NUP88: variants seen among roughly 807,000 people sequenced by gnomAD.
NUP88 encodes the protein nuclear pore complex protein Nup88.
In NUP88, 57 loss-of-function variants were observed where a neutral mutation model predicts 93.9. That is an observed-to-expected ratio of 0.61 (90% CI 0.49 to 0.76). The LOEUF (loss-of-function observed/expected upper bound fraction) is 0.76. Among genes scored for constraint, NUP88 ranks in the 30% least tolerant of loss-of-function variants. NUP88 has a pLI of 0.00. For missense variants in NUP88, 911 were observed against 901.0 expected (o/e 1.01, Z -0.14); for synonymous variants, 346 against 336.8 (o/e 1.03, Z -0.30).
In NUP88 at chr17:5,385,107, C is replaced by G; in HGVS notation, c.*1099G>C. The G allele has an allele frequency of 4.4e-6, 1 of 229,518 alleles. No homozygotes were observed. Among genetic ancestry groups the G allele is most frequent in the Non-Finnish European group, 8.6e-6 (1 of 115,746 alleles). 14.2% of individuals were successfully genotyped at this position (229,518 alleles called of 1,614,324 possible). On this transcript the variant is annotated 3_prime_UTR_variant, in exon 17 of 17. Transcript: ENST00000573584. ...TCACAATTAGGGAATGGTTAGTGGT[C>G]TCTACTGTGGCAAATGCCAACTGTT...
chr17:5,413,921 C>G, intron 3 of NUP88, 88 bp downstream of exon 3: 1 of 1,399,898 alleles, frequency 7.1e-7, no homozygotes, highest in Non-Finnish European at 1.0e-6. Flanking sequence ...TTCAATGACT[C>G]ACTTCGTTCT....
At chr17:5,416,783 G>T in intron 1 of NUP88, 101 bp from the exon 2 acceptor site, 3 of 957,222 alleles carry the variant, frequency 3.1e-6, no homozygotes, top group Non-Finnish European at 4.6e-6. Context: ...ACAATTATAG[G>T]ATAATAAAAC....
At chr17:5,394,478 G>C (rs1421362881) in intron 9 of NUP88, among the ~76,000 whole-genome samples, 1 of 152,132 alleles carries the variant, frequency 6.6e-6, no homozygotes, top group Non-Finnish European at 1.5e-5. Flanking sequence ...TATACATTCC[G>C]GTAGTGGCGA....
chr17:5,408,944 C>G (rs764082726), intron 4 of NUP88, 35 bp from the exon 5 acceptor site: 6 of 1,468,752 alleles, frequency 4.1e-6, no homozygotes, highest in Admixed American at 5.1e-5. Context: ...TTGTTAAAAA[C>G]AAAAACAACA....
At chr17:5,411,280 T>C (rs955436578) in intron 3 of NUP88, among the ~76,000 whole-genome samples, 5 of 152,250 alleles carry the variant, frequency 3.3e-5, no homozygotes, top group African/African-American at 9.6e-5. Context: ...AAACCCAATA[T>C]TGGCCAAGCA....
chr17:5,411,713 G>A (rs913486305), intron 3 of NUP88, among the ~76,000 whole-genome samples: 2 of 151,814 alleles, frequency 1.3e-5, no homozygotes, highest in African/African-American at 4.8e-5. Flanking sequence ...CAGCATATAA[G>A]GCTATTGTGA....
At chr17:5,393,706 G>A (rs1484482979) in intron 9 of NUP88, among the ~76,000 whole-genome samples, 1 of 152,202 alleles carries the variant, frequency 6.6e-6, no homozygotes, top group African/African-American at 2.4e-5. Context: ...AAAATGCTGG[G>A]ATTATAGGCG....
rs139729139 is a variant in NUP88, at chr17:5,412,504, G to T, written c.593+1505C>A. Among the ~76,000 whole-genome samples the T allele has an allele frequency of 5.5e-4, 83 of 152,246 alleles. 1 individual carries two copies. The highest frequency in any genetic ancestry group is 2.0e-3 in the African/African-American group (81 of 41,530). ...TACAGTTTCAGGCATTCACTGGGGG[G>T]TCTTGGAACACACACCCTGCAGATA... is the stretch of plus-strand genomic sequence containing the variant. On this transcript the variant is annotated intron_variant, in intron 3 of 16. Transcript: ENST00000573584.
At position 5,410,753 on chromosome 17, in the gene NUP88, G is replaced by A. The variant is rs144076487; in HGVS notation, c.630C>T (p.Asn210=). The A allele has an allele frequency of 1.2e-6, 2 of 1,612,678 alleles. No homozygotes were observed. The highest frequency in any genetic ancestry group is 1.3e-5 in the African/African-American group (1 of 74,976). Residue 210 remains asparagine, a synonymous_variant, in exon 4 of 17, where the codon AAC becomes AAT. Transcript: ENST00000573584. ...CTTCGGCTTCTGAAAGTATTATCAC[G>A]TTAGTGGGTGTCTGCGGCTCACGTA... The part of the protein sequence containing the change: ...YSLREPQTPT[N]VIILSEAEEE...
chr17:5,413,621 C>T (rs1394457414), intron 3 of NUP88, among the ~76,000 whole-genome samples: 1 of 152,170 alleles, frequency 6.6e-6, no homozygotes, highest in African/African-American at 2.4e-5. Flanking sequence ...CTGAGCCCCC[C>T]AACCCCTAAA....
At chr17:5,402,942 A>G (rs1355063741) in intron 7 of NUP88, among the ~76,000 whole-genome samples, 1 of 152,132 alleles carries the variant, frequency 6.6e-6, no homozygotes, top group Non-Finnish European at 1.5e-5. Context: ...GTGAGCCAAG[A>G]TCACGCCACT....
At chr17:5,396,103 C>A (rs971568127) in intron 8 of NUP88, among the ~76,000 whole-genome samples, 1 of 151,898 alleles carries the variant, frequency 6.6e-6, no homozygotes, top group Non-Finnish European at 1.5e-5. Context: ...CCCAGCTACT[C>A]GAGAGGCTGA....
At chr17:5,407,270 T>C (rs1913553685) in intron 5 of NUP88, among the ~76,000 whole-genome samples, 2 of 152,198 alleles carry the variant, frequency 1.3e-5, no homozygotes, top group Non-Finnish European at 2.9e-5. Flanking sequence ...GCTTTTGTAA[T>C]AGCATTTCCT....
rs540369271 is a variant in NUP88, at chr17:5,413,962, A to G, written c.593+47T>C. The stretch of plus-strand genomic sequence containing the variant: ...GAGCTGTTAATTGGCAAACAGAAAC[A>G]GAGCTTTCCCACTCGCAAGGCTTCA... On this transcript the variant is annotated intron_variant, in intron 3 of 16. Coordinates refer to ENST00000573584, the MANE Select transcript of NUP88 (RefSeq NM_002532.6). 3.5e-5 allele frequency: 56 copies of G among 1,601,348 alleles called. No homozygotes were observed. In the South Asian group the frequency reaches 5.5e-4, roughly 16 times the overall value.
chr17:5,406,175 T>A (rs2151643224), intron 5 of NUP88, among the ~76,000 whole-genome samples: 1 of 152,058 alleles, frequency 6.6e-6, no homozygotes, highest in South Asian at 2.1e-4. Context: ...TACAAAGGAA[T>A]GACAAAAAGA....
At chr17:5,390,181 A>AATT (rs1555528177) in intron 10 of NUP88, among the ~76,000 whole-genome samples, 1 of 147,774 alleles carries the variant, frequency 6.8e-6, no homozygotes, top group Admixed American at 6.7e-5. Flanking sequence ...AAAAAAAAAA[A>AATT]TATCCAGACA....
chr17:5,394,999 A>C lies in NUP88; in HGVS notation c.1292-18T>G, dbSNP rs775648901. 6.9e-7 allele frequency: 1 copy of C among 1,451,910 alleles called. No homozygotes were observed. The highest frequency in any genetic ancestry group is 9.7e-7 in the Non-Finnish European group (1 of 1,032,340). 89.9% of individuals were successfully genotyped at this position (1,451,910 alleles called of 1,614,324 possible). ...TTCTTCATCTACCATGGAAGACATT[A>C]CATAAATGAAATGATGCTTAGACAA... On this transcript the variant is annotated intron_variant, in intron 8 of 16. Transcript: ENST00000573584.
At position 5,419,626 on chromosome 17, in the gene NUP88, C is replaced by T. The variant is rs199584054; in HGVS notation, c.25G>A (p.Gly9Ser). The T allele has an allele frequency of 6.3e-7, 1 of 1,594,632 alleles. No homozygotes were observed. Among genetic ancestry groups the T allele is most frequent in the Non-Finnish European group, 8.6e-7 (1 of 1,169,202 alleles). Residue 9 changes from glycine to serine, a missense_variant, in exon 1 of 17, where the codon GGC becomes AGC. Physicochemically the swap from Gly to Ser is moderately conservative, Grantham distance 56 (BLOSUM62 0). Coordinates refer to ENST00000573584, the MANE Select transcript of NUP88 (RefSeq NM_002532.6). ...CAGGTCTGCCACAGCTCGCCGTCGC[C>T]CACCGGTCCCTCGGCGGCCGCCATC... MAAAEGPV[G>S]DGELWQTWLP...
At chr17:5,410,140 T>C (rs1405855824) in intron 4 of NUP88, among the ~76,000 whole-genome samples, 2 of 152,236 alleles carry the variant, frequency 1.3e-5, no homozygotes, top group African/African-American at 4.8e-5. Flanking sequence ...GTGATTAAAC[T>C]TTGGGTGCTG....
Sources: allele counts gnomAD v4.1 joint callset (sites outside exome capture counted in the v4.1 genomes callset), GRCh38; gene constraint gnomAD v4.1.1; transcripts MANE v1.5; gene names NCBI Gene and HGNC (gene_info 2026-07-23, HGNC 2026-07-21).